INPP5F: variants seen among roughly 807,000 people sequenced by gnomAD.
INPP5F encodes the protein inositol polyphosphate-5-phosphatase F, also known as phosphatidylinositide 4-phosphatase SAC2.
In INPP5F, 97 loss-of-function variants were observed where a neutral mutation model predicts 137.2. The observed-to-expected ratio is 0.71, with a 90% CI of 0.60 to 0.84. The LOEUF is 0.84. Ranked by LOEUF, INPP5F falls within the 40% of genes least tolerant of loss-of-function variation. INPP5F has a pLI of 0.00. For missense variants in INPP5F, 1,271 were observed against 1,371.9 expected (o/e 0.93, Z 1.16); for synonymous variants, 504 against 476.9 (o/e 1.06, Z -0.74).
Position 119,768,455 on chromosome 10 carries a change from G to A in INPP5F, c.179-13180G>A, listed in dbSNP as rs1849240137. On this transcript the variant is annotated intron_variant, in intron 2 of 19. Coordinates refer to ENST00000650623, the MANE Select transcript of INPP5F (RefSeq NM_014937.4). Reference sequence around the variant, plus strand: ...CCCAGATCAGAAATGGAGCAGGTCAGAACTCCCACGCTGTGATCAGTAGTG... The same window carrying A: ...CCCAGATCAGAAATGGAGCAGGTCAAAACTCCCACGCTGTGATCAGTAGTG... 3 of 152,236 alleles carry A rather than the reference G, an allele frequency of 2.0e-5. No individual in the cohort carries two copies. The South Asian group carries it at 6.2e-4, about 32-fold the overall frequency. The allele number at this position is 152,236 out of a possible 1,614,324, so 9.4% of individuals were successfully genotyped here.
intron 3 of INPP5F, among the ~76,000 whole-genome samples, chr10:119,788,414 A>ACCCACAAAGGAGACTGAGAAGGAACAG (rs1188462926): frequency 1.3e-5 from 2 of 152,156 alleles, no homozygotes; most frequent in Admixed American, 1.3e-4. Context: ...AGAAAGATAC[A>ACCCACAAAGGAGACTGAGAAGGAACAG]CCCACAAAGG....
chr10:119,815,994 T>C (rs1851259228), intron 15 of INPP5F: 1 of 152,336 alleles, frequency 6.6e-6, no homozygotes, highest in Non-Finnish European at 1.5e-5. Context: ...ATGAGGTGGA[T>C]GTAGGAGCTA....
At chr10:119,819,339 G>A (rs1250359949) in intron 15 of INPP5F, 11 of 1,191,692 alleles carry the variant, frequency 9.2e-6, no homozygotes, top group Non-Finnish European at 8.5e-6. Context: ...TTTTCCGACT[G>A]CCTGTTACGT....
chr10:119,729,290 T>C (rs1476596631), intron 1 of INPP5F, among the ~76,000 whole-genome samples: 1 of 151,900 alleles, frequency 6.6e-6, no homozygotes, highest in African/African-American at 2.4e-5. Flanking sequence ...GGACTACAGG[T>C]GTGTGCCACC....
At chr10:119,785,286 G>GTTTTTTTTTTTTTGTTTTTTTT (rs1849847518) in intron 3 of INPP5F, among the ~76,000 whole-genome samples, 2 of 106,238 alleles carry the variant, frequency 1.9e-5, no homozygotes, top group South Asian at 9.0e-4. Flanking sequence ...CTGCCAGACT[G>GTTTTTTTTTTTTTGTTTTTTTT]TTTTTTTTTT....
chr10:119,756,568 A>G (rs1406960732), intron 2 of INPP5F, among the ~76,000 whole-genome samples: 2 of 152,022 alleles, frequency 1.3e-5, no homozygotes, highest in Non-Finnish European at 2.9e-5. Context: ...CCCAGGAGGT[A>G]GATGTTGCAG....
intron 14 of INPP5F, among the ~76,000 whole-genome samples, chr10:119,811,216 A>C (rs1457748329): frequency 1.3e-5 from 2 of 152,212 alleles, no homozygotes; most frequent in African/African-American, 4.8e-5. Flanking sequence ...AGCCAGTAGC[A>C]ATCTGTGCTT....
At chr10:119,736,202 A>G (rs184727572) in intron 1 of INPP5F, among the ~76,000 whole-genome samples, 2 of 152,346 alleles carry the variant, frequency 1.3e-5, no homozygotes, top group African/African-American at 2.4e-5. Flanking sequence ...TTATGAATGC[A>G]TTATGAATGC....
intron 1 of INPP5F, among the ~76,000 whole-genome samples, chr10:119,749,056 T>C (rs945049261): frequency 6.6e-6 from 1 of 152,176 alleles, no homozygotes; most frequent in Non-Finnish European, 1.5e-5. Context: ...TCCAAGCCTG[T>C]GCACACCCGA....
rs550077577 is a variant in INPP5F at position 119,772,722 on chromosome 10, G to A, written c.179-8913G>A. On this transcript the variant is annotated intron_variant, in intron 2 of 19. Transcript: ENST00000650623. ...GGGAATTTAACTTTTTTTTCGTGTGGAGAACCAATTATTTCAACATTGTTT... is the reference window on the plus strand; with the variant it reads ...GGGAATTTAACTTTTTTTTCGTGTGAAGAACCAATTATTTCAACATTGTTT... Among the ~76,000 whole-genome samples the A allele has an allele frequency of 4.6e-5, 7 of 152,218 alleles. No homozygotes were observed. The South Asian group carries it at 1.2e-3, about 27-fold the overall frequency.
intron 16 of INPP5F, among the ~76,000 whole-genome samples, chr10:119,822,210 A>G (rs929973609): frequency 6.6e-6 from 1 of 151,950 alleles, no homozygotes; most frequent in African/African-American, 2.4e-5. Flanking sequence ...TTTAACTGTT[A>G]GATGTGTAAA....
rs764709063 is a variant in INPP5F, at chr10:119,807,921, G to C, written c.1441-11G>C. On this transcript the variant is annotated splice_polypyrimidine_tract_variant and intron_variant, in intron 12 of 19. Coordinates refer to ENST00000650623, the MANE Select transcript of INPP5F (RefSeq NM_014937.4). ...CCATATACAGTTAATCCACCAATGT[G>C]TTCATTTTAGCTGAAAAAATTAGGT... 5 of 1,605,024 alleles carry C rather than the reference G, an allele frequency of 3.1e-6. No individual in the cohort carries two copies. The highest frequency in any genetic ancestry group is 3.4e-6 in the Non-Finnish European group (4 of 1,175,908).
Position 119,798,577 on chromosome 10 carries a change from T to C in INPP5F, c.1083T>C (p.His361=). ...EKETVAYFCA[H]FEEQLNIYKK... ...AAACTGTTGCCTATTTCTGTGCCCA[T>C]TTCGAAGAACAACTGAACATTTACA... Residue 361 remains histidine (H), a synonymous_variant, in exon 9 of 20, where the codon CAT becomes CAC. Transcript: ENST00000650623. 2 of 1,612,678 alleles carry C rather than the reference T, an allele frequency of 1.2e-6. No homozygotes were observed. Among genetic ancestry groups the C allele is most frequent in the Non-Finnish European group, 1.7e-6 (2 of 1,179,292 alleles).
Position 119,754,195 on chromosome 10 carries a change from C to T in INPP5F, c.178+3039C>T, listed in dbSNP as rs150981241. Among the ~76,000 whole-genome samples, 401 of 152,318 alleles carry T rather than the reference C, an allele frequency of 2.6e-3. 2 individuals carry two copies. The highest frequency in any genetic ancestry group is 8.9e-3 in the African/African-American group (369 of 41,568). ...GCCAGGGGACTCCTGGCCAGGGTCA[C>T]GTAGATCAGACCGTGCTCCAGAGTC... On this transcript the variant is annotated intron_variant, in intron 2 of 19. Transcript: ENST00000650623.
Position 119,827,761 on chromosome 10 carries a change from C to T in INPP5F, c.3380C>T (p.Thr1127Ile). 2 of 1,606,120 alleles carry T rather than the reference C, an allele frequency of 1.2e-6. No homozygotes were observed. Among genetic ancestry groups the T allele is most frequent in the Non-Finnish European group, 1.7e-6 (2 of 1,176,172 alleles). Residue 1127 changes from threonine (T) to isoleucine (I), a missense_variant, in exon 20 of 20, where the codon ACA (threonine) becomes ATA (isoleucine). Physicochemically the swap from Thr to Ile is moderately conservative, Grantham distance 89 (BLOSUM62 -1). Coordinates refer to ENST00000650623, the MANE Select transcript of INPP5F (RefSeq NM_014937.4). ...ELKKMFIQCQ[T>I]RIIQI The stretch of plus-strand genomic sequence containing the variant: ...AAAAAGATGTTTATACAATGCCAGA[C>T]ACGGATAATTCAGATTTAGCTTTTA...
intron 15 of INPP5F, among the ~76,000 whole-genome samples, chr10:119,814,251 G>A (rs1476652833): frequency 2.0e-5 from 3 of 152,120 alleles, no homozygotes; most frequent in African/African-American, 7.2e-5. Context: ...GCTGGGCATG[G>A]TGGTGCGTGC....
At chr10:119,752,924 T>G (rs1454783246) in intron 2 of INPP5F, among the ~76,000 whole-genome samples, 2 of 151,964 alleles carry the variant, frequency 1.3e-5, no homozygotes, top group Non-Finnish European at 2.9e-5. Context: ...TCTCACTGGG[T>G]AATTGAGTTG....
intron 1 of INPP5F, among the ~76,000 whole-genome samples, chr10:119,731,926 A>G (rs1055788849): frequency 7.9e-5 from 12 of 152,172 alleles, no homozygotes; most frequent in African/African-American, 2.6e-4. Context: ...ATTTTTATGC[A>G]TGTACATATT....
intron 16 of INPP5F, among the ~76,000 whole-genome samples, chr10:119,821,408 C>G (rs1851556187): frequency 6.6e-6 from 1 of 151,594 alleles, no homozygotes; most frequent in African/African-American, 2.4e-5. Context: ...TGAATTATGA[C>G]TTTTGTGGTT....
Sources: allele counts gnomAD v4.1 joint callset (sites outside exome capture counted in the v4.1 genomes callset), GRCh38; gene constraint gnomAD v4.1.1; transcripts MANE v1.5; gene names NCBI Gene and HGNC (gene_info 2026-07-23, HGNC 2026-07-21).